The following ROBO1 variants were observed in gnomAD, a reference collection of about 807,000 sequenced individuals.
ROBO1 encodes roundabout homolog 1.
ROBO1 carries 149 observed loss-of-function variants against 195.9 expected under a neutral mutation model. The observed-to-expected ratio is 0.76, with a 90% confidence interval of 0.67 to 0.87. The LOEUF is 0.87. ROBO1 is among the 40% of genes least tolerant of loss of function. The pLI is 0.00. For synonymous variants in ROBO1, 816 were observed against 733.2 expected, an observed-to-expected ratio of 1.11 and a Z score of -1.82; for missense variants, 1,933 against 2,068.3, an observed-to-expected ratio of 0.93 and a Z score of 1.27.
chr3:79,247,975 C>T (rs2082654745), intron 2 of ROBO1, among the ~76,000 whole-genome samples: 2 of 152,082 alleles, frequency 1.3e-5, no homozygotes, highest in South Asian at 2.1e-4. Flanking sequence ...TTCTTTCCCC[C>T]TGAGACTTAC....
chr3:79,584,928 T>C (rs1463606818), intron 2 of ROBO1, among the ~76,000 whole-genome samples: 1 of 151,852 alleles, frequency 6.6e-6, no homozygotes, highest in African/African-American at 2.4e-5. Flanking sequence ...AAGTCCATTA[T>C]TATTGTTGCT....
chr3:79,370,128 G>A (rs2036136024), intron 2 of ROBO1, among the ~76,000 whole-genome samples: 1 of 151,966 alleles, frequency 6.6e-6, no homozygotes, highest in South Asian at 2.1e-4. Flanking sequence ...GCTGAGGAGT[G>A]TCAATCACTT....
At chr3:78,647,491 G>T in intron 20 of ROBO1, 138 bp downstream of exon 20, 2 of 817,392 alleles carry the variant, frequency 2.4e-6, no homozygotes, top group South Asian at 2.9e-5. Flanking sequence ...TGCCTGGTGT[G>T]AGTAAATCAA....
intron 4 of ROBO1, among the ~76,000 whole-genome samples, chr3:78,854,913 G>T (rs1383989899): frequency 6.6e-6 from 1 of 152,094 alleles, no homozygotes; most frequent in Non-Finnish European, 1.5e-5. Flanking sequence ...AAATTTATTT[G>T]TACTTCGATA....
intron 2 of ROBO1, among the ~76,000 whole-genome samples, chr3:79,340,854 G>A (rs1281555504): frequency 6.6e-6 from 1 of 152,140 alleles, no homozygotes; most frequent in African/African-American, 2.4e-5. Context: ...GCCTGAACCT[G>A]GTATTTCTGG....
intron 2 of ROBO1, among the ~76,000 whole-genome samples, chr3:79,282,197 T>C (rs2031566005): frequency 6.6e-6 from 1 of 152,232 alleles, no homozygotes; most frequent in African/African-American, 2.4e-5. Flanking sequence ...GGAATTTCTG[T>C]AGGTGATGAA....
chr3:79,742,042 G>T (rs1028483626), intron 1 of ROBO1, among the ~76,000 whole-genome samples: 2 of 152,302 alleles, frequency 1.3e-5, no homozygotes, highest in Non-Finnish European at 2.9e-5. Flanking sequence ...TGAATAAAGA[G>T]ATGATCTGAA....
At chr3:78,998,758 C>T (rs1242644717) in intron 3 of ROBO1, among the ~76,000 whole-genome samples, 3 of 152,064 alleles carry the variant, frequency 2.0e-5, no homozygotes. Context: ...CTTTACTCAT[C>T]ATCTCTCCCC....
At chr3:78,821,254 C>T (rs1372196336) in intron 4 of ROBO1, among the ~76,000 whole-genome samples, 1 of 150,670 alleles carries the variant, frequency 6.6e-6, no homozygotes, top group Non-Finnish European at 1.5e-5. Flanking sequence ...CAGCCTCTGC[C>T]TCCTGGGCTC....
intron 1 of ROBO1, among the ~76,000 whole-genome samples, chr3:79,591,188 A>G (rs1943989502): frequency 6.6e-6 from 1 of 151,836 alleles, no homozygotes; most frequent in African/African-American, 2.4e-5. Flanking sequence ...TATAAAAAGT[A>G]ATTTGTCCAC....
intron 1 of ROBO1, among the ~76,000 whole-genome samples, chr3:79,733,187 A>AT (rs1180496902): frequency 2.0e-5 from 3 of 152,054 alleles, no homozygotes; most frequent in Admixed American, 1.3e-4. Context: ...ACCATCACTC[A>AT]TTTTTTCATC....
intron 4 of ROBO1, among the ~76,000 whole-genome samples, chr3:78,770,385 G>A (rs923359541): frequency 6.6e-6 from 1 of 152,108 alleles, no homozygotes; most frequent in Non-Finnish European, 1.5e-5. Context: ...TAATGATGTG[G>A]AGCATTTTTC....
intron 2 of ROBO1, among the ~76,000 whole-genome samples, chr3:79,272,346 G>A (rs775565591): frequency 6.6e-6 from 1 of 152,012 alleles, no homozygotes; most frequent in African/African-American, 2.4e-5. Flanking sequence ...GCTGGGAGAT[G>A]ATGGAGCAAG....
intron 2 of ROBO1, among the ~76,000 whole-genome samples, chr3:79,372,103 T>C (rs567614648): frequency 3.9e-5 from 6 of 152,210 alleles, no homozygotes; most frequent in Admixed American, 3.9e-4. Flanking sequence ...GATTCACCTG[T>C]CACCTGCCAC....
intron 3 of ROBO1, among the ~76,000 whole-genome samples, chr3:79,052,445 C>T (rs2078718959): frequency 6.6e-6 from 1 of 152,014 alleles, no homozygotes; most frequent in Non-Finnish European, 1.5e-5. Flanking sequence ...TTCAGTCTGG[C>T]CATGTGATCT....
intron 2 of ROBO1, among the ~76,000 whole-genome samples, chr3:79,399,638 A>C (rs2037287890): frequency 6.6e-6 from 1 of 152,170 alleles, no homozygotes; most frequent in Non-Finnish European, 1.5e-5. Context: ...TAAACTACTT[A>C]TAAACTGAAA....
rs1049942720 is a variant in ROBO1, at chr3:79,742,374, G to A, written c.-51+25378C>T. On this transcript the variant is annotated intron_variant, in intron 1 of 30. Coordinates refer to ENST00000464233, the MANE Select transcript of ROBO1 (RefSeq NM_002941.4). ...AGCGTCCTGGATCCCAGCTGCTCCA[G>A]CTCCAGCTGTGGCTAAAAGGGCCAG... Among the ~76,000 whole-genome samples, 3 of 152,308 alleles carry A rather than the reference G, an allele frequency of 2.0e-5. No homozygotes were observed. The East Asian group carries it at 5.8e-4, about 29-fold the overall frequency.
chr3:78,858,143 A>T (rs1291323098), intron 4 of ROBO1, among the ~76,000 whole-genome samples: 1 of 152,114 alleles, frequency 6.6e-6, no homozygotes, highest in Non-Finnish European at 1.5e-5. Context: ...ACAGGGCTTT[A>T]AGTGTGGCTA....
chr3:79,407,864 G>C (rs1575783639), intron 2 of ROBO1, among the ~76,000 whole-genome samples: 1 of 152,196 alleles, frequency 6.6e-6, no homozygotes, highest in Non-Finnish European at 1.5e-5. Context: ...GTATAGTGAA[G>C]TTACTGTACT....
Sources: gnomAD v4.1 joint callset for allele counts (sites outside exome capture counted in the v4.1 genomes callset) on GRCh38, gnomAD v4.1.1 for gene constraint, MANE v1.5 for transcripts, NCBI Gene and HGNC (gene_info 2026-07-23, HGNC 2026-07-21) for gene names.